LHFPL6: variants seen among roughly 807,000 people sequenced by gnomAD.
LHFPL6 encodes LHFPL tetraspan subfamily member 6 protein.
Under a neutral mutation model 20.6 loss-of-function variants are expected in LHFPL6, and 9 were observed. The observed-to-expected ratio is 0.44, with a 90% CI of 0.26 to 0.76. The LOEUF (loss-of-function observed/expected upper bound fraction) is 0.76, where lower values mean the gene tolerates loss of function less well. LHFPL6 is among the 30% of genes least tolerant of loss of function. LHFPL6 has a pLI of 0.20. For missense variants in LHFPL6, 218 were observed against 253.5 expected (o/e 0.86, Z 0.95); for synonymous variants, 105 against 98.7 (o/e 1.06, Z -0.38).
chr13:39,373,437 A>G (rs7336133), intron 3 of LHFPL6, among the ~76,000 whole-genome samples: 105,077 of 152,042 alleles, frequency 0.69, 36,457 homozygotes, highest in East Asian at 0.78. Flanking sequence ...GAGGCTACGC[A>G]TTCCCATTCT....
At chr13:39,458,466 G>A (rs1207961624) in intron 2 of LHFPL6, among the ~76,000 whole-genome samples, 1 of 152,248 alleles carries the variant, frequency 6.6e-6, no homozygotes, top group Non-Finnish European at 1.5e-5. Flanking sequence ...GGAGGCTGAG[G>A]TGGGTGGATC....
At chr13:39,578,235 T>C (rs1462274201) in intron 2 of LHFPL6, among the ~76,000 whole-genome samples, 1 of 152,044 alleles carries the variant, frequency 6.6e-6, no homozygotes, top group African/African-American at 2.4e-5. Flanking sequence ...CATGGAGTGA[T>C]AGGACAAAAG....
intron 2 of LHFPL6, among the ~76,000 whole-genome samples, chr13:39,418,795 A>T (rs532432205): frequency 6.6e-6 from 1 of 152,158 alleles, no homozygotes; most frequent in Non-Finnish European, 1.5e-5. Flanking sequence ...CTTCTACTCT[A>T]GTAATCTTTG....
At chr13:39,563,091 A>ACACACAC (rs1871594673) in intron 2 of LHFPL6, among the ~76,000 whole-genome samples, 1 of 135,772 alleles carries the variant, frequency 7.4e-6, no homozygotes, top group African/African-American at 2.7e-5. Context: ...CAATACTAGA[A>ACACACAC]ACACACACAC....
At chr13:39,548,083 T>G (rs1164323648) in intron 2 of LHFPL6, among the ~76,000 whole-genome samples, 1 of 152,070 alleles carries the variant, frequency 6.6e-6, no homozygotes, top group Non-Finnish European at 1.5e-5. Context: ...TAAGAAAGAC[T>G]AGGAGATGTT....
chr13:39,535,009 G>C (rs1870573106), intron 2 of LHFPL6, among the ~76,000 whole-genome samples: 1 of 152,152 alleles, frequency 6.6e-6, no homozygotes, highest in African/African-American at 2.4e-5. Context: ...GCCTCTAGAG[G>C]ATGATCTTTC....
chr13:39,382,782 T>A (rs1870476775), intron 2 of LHFPL6, among the ~76,000 whole-genome samples: 1 of 152,200 alleles, frequency 6.6e-6, no homozygotes, highest in Non-Finnish European at 1.5e-5. Flanking sequence ...AAACATACCA[T>A]GAACATATGC....
intron 2 of LHFPL6, among the ~76,000 whole-genome samples, chr13:39,524,706 A>G (rs1037198702): frequency 3.9e-5 from 6 of 152,238 alleles, no homozygotes; most frequent in African/African-American, 1.4e-4. Context: ...CCAACTATGT[A>G]GCAGTGGACT....
At chr13:39,407,922 TTC>T (rs1871153659) in intron 2 of LHFPL6, among the ~76,000 whole-genome samples, 1 of 152,192 alleles carries the variant, frequency 6.6e-6, no homozygotes. Context: ...GGAGTTTTCC[TTC>T]TGAGAATGAA....
chr13:39,475,948 A>C (rs1593327583), intron 2 of LHFPL6, among the ~76,000 whole-genome samples: 1 of 152,288 alleles, frequency 6.6e-6, no homozygotes, highest in African/African-American at 2.4e-5. Context: ...AAAGAGCTCC[A>C]CAATGAAGGG....
chr13:39,568,615 T>A (rs1871804005), intron 2 of LHFPL6, among the ~76,000 whole-genome samples: 1 of 152,224 alleles, frequency 6.6e-6, no homozygotes, highest in East Asian at 1.9e-4. Context: ...GAAATTAAAC[T>A]TGGAAAGCAC....
intron 1 of LHFPL6, among the ~76,000 whole-genome samples, 172 bp downstream of exon 1, chr13:39,602,711 C>A (rs145744791): frequency 1.3e-5 from 2 of 152,234 alleles, no homozygotes; most frequent in Non-Finnish European, 2.9e-5. Context: ...GGCAGCACCC[C>A]CCGGAGGCAG....
intron 2 of LHFPL6, among the ~76,000 whole-genome samples, chr13:39,507,264 T>A (rs17807293): frequency 0.32 from 48,592 of 152,086 alleles, 8,150 homozygotes; most frequent in Middle Eastern, 0.44. Context: ...GTGGCCCACA[T>A]GAAATCAGGC....
At chr13:39,565,115 T>C (rs1231041933) in intron 2 of LHFPL6, among the ~76,000 whole-genome samples, 3 of 152,184 alleles carry the variant, frequency 2.0e-5, no homozygotes, top group Non-Finnish European at 4.4e-5. Context: ...ACCATTTGCT[T>C]AGAATAAAAA....
intron 2 of LHFPL6, among the ~76,000 whole-genome samples, chr13:39,443,381 T>C (rs912379074): frequency 1.3e-5 from 2 of 152,130 alleles, no homozygotes; most frequent in African/African-American, 4.8e-5. Flanking sequence ...CCAAAATCTC[T>C]GGTGTTGTGT....
intron 2 of LHFPL6, among the ~76,000 whole-genome samples, chr13:39,557,028 G>A (rs1483363632): frequency 2.0e-5 from 3 of 152,194 alleles, no homozygotes; most frequent in African/African-American, 7.2e-5. Context: ...GCCTGGCCCT[G>A]TGGTCGAGAA....
chr13:39,562,409 C>CATAT lies in LHFPL6; in HGVS notation c.385+38419_385+38422dup, dbSNP rs1354505026. On this transcript the variant is annotated intron_variant, in intron 2 of 3. Coordinates refer to ENST00000379589, the MANE Select transcript of LHFPL6 (RefSeq NM_005780.3). ...ATATACATATATATACATATATACA[C>CATAT]ATATACACATATACATATATACATA... Among the ~76,000 whole-genome samples the CATAT allele has an allele frequency of 3.6e-4, 37 of 101,824 alleles. 1 individual carries two copies. The highest frequency in any genetic ancestry group is 9.1e-3 in the Middle Eastern group (2 of 220). 66.8% of individuals were successfully genotyped at this position (101,824 alleles called of 152,430 possible).
chr13:39,387,547 C>CAAAAA (rs141082421), intron 2 of LHFPL6, among the ~76,000 whole-genome samples: 1 of 87,952 alleles, frequency 1.1e-5, no homozygotes, highest in Non-Finnish European at 2.1e-5. Context: ...GACTGTCTCA[C>CAAAAA]AAAAAAAAAA....
At chr13:39,406,764 G>T (rs980531886) in intron 2 of LHFPL6, among the ~76,000 whole-genome samples, 2 of 152,146 alleles carry the variant, frequency 1.3e-5, no homozygotes, top group Non-Finnish European at 2.9e-5. Flanking sequence ...ATATTATGGG[G>T]TGATTCTCTT....
Sources: allele counts gnomAD v4.1 joint callset (sites outside exome capture counted in the v4.1 genomes callset), GRCh38; gene constraint gnomAD v4.1.1; transcripts MANE v1.5; gene names NCBI Gene and HGNC (gene_info 2026-07-23, HGNC 2026-07-21).